Variants in AP2B1 observed in about 807,000 individuals in gnomAD.
The protein encoded by AP2B1 is AP-2 complex subunit beta.
A neutral mutation model predicts 102.0 loss-of-function variants in AP2B1; 23 were observed. The observed-to-expected ratio is 0.23, with a 90% confidence interval of 0.16 to 0.32. The LOEUF is 0.32. AP2B1 is among the 10% of genes least tolerant of loss of function. AP2B1 has a pLI of 1.00. For missense variants in AP2B1, 541 were observed against 1,157.4 expected (o/e 0.47, Z 7.73); for synonymous variants, 381 against 421.2 (o/e 0.90, Z 1.17).
At chr17:35,636,837 G>C (rs2074620423) in intron 10 of AP2B1, among the ~76,000 whole-genome samples, 1 of 152,156 alleles carries the variant, frequency 6.6e-6, no homozygotes, top group Non-Finnish European at 1.5e-5. Context: ...TCTCAGAAAT[G>C]TATAAGTTTG....
intron 5 of AP2B1, among the ~76,000 whole-genome samples, chr17:35,614,591 C>T (rs1027622266): frequency 2.8e-5 from 4 of 145,184 alleles, no homozygotes; most frequent in Admixed American, 7.2e-5. Context: ...CTCACAGCTG[C>T]CCATGAGAAT....
At chr17:35,690,376 G>A (rs1038004608) in intron 18 of AP2B1, among the ~76,000 whole-genome samples, 5 of 152,196 alleles carry the variant, frequency 3.3e-5, no homozygotes, top group African/African-American at 1.2e-4. Flanking sequence ...AAGGCTTTCT[G>A]CAAGCCTTGT....
intron 18 of AP2B1, among the ~76,000 whole-genome samples, chr17:35,683,796 A>G (rs2075874502): frequency 1.3e-5 from 2 of 152,208 alleles, no homozygotes; most frequent in Admixed American, 1.3e-4. Flanking sequence ...TGGGCCACCC[A>G]GAAATGGGGA....
chr17:35,614,655 T>TAAAAAAAA (rs3031833), intron 5 of AP2B1, among the ~76,000 whole-genome samples: 6 of 93,164 alleles, frequency 6.4e-5, no homozygotes, highest in Non-Finnish European at 8.0e-5. Flanking sequence ...GTTGAATTAG[T>TAAAAAAAA]AAAAAAAAAA....
chr17:35,592,184 A>G (rs1426873170), intron 1 of AP2B1, among the ~76,000 whole-genome samples: 2 of 151,980 alleles, frequency 1.3e-5, no homozygotes, highest in East Asian at 1.9e-4. Flanking sequence ...TCCTAGATCC[A>G]TATTTACTAT....
intron 18 of AP2B1, among the ~76,000 whole-genome samples, chr17:35,686,292 C>G (rs1217334607): frequency 6.6e-6 from 1 of 152,182 alleles, no homozygotes; most frequent in Non-Finnish European, 1.5e-5. Context: ...AGAATTGATT[C>G]TCTCTGTTTA....
chr17:35,714,435 T>C (rs978874934), intron 20 of AP2B1, among the ~76,000 whole-genome samples: 8 of 152,102 alleles, frequency 5.3e-5, no homozygotes, highest in Non-Finnish European at 7.3e-5. Flanking sequence ...TCAGAGGATG[T>C]GTGACCTTAG....
At chr17:35,599,799 A>C (rs1046945024) in intron 3 of AP2B1, among the ~76,000 whole-genome samples, 1 of 151,976 alleles carries the variant, frequency 6.6e-6, no homozygotes, top group Admixed American at 6.6e-5. Flanking sequence ...AATCCCAGCT[A>C]CTCTAGAGGC....
chr17:35,673,389 A>C (rs1039502595), intron 16 of AP2B1, among the ~76,000 whole-genome samples: 3 of 151,696 alleles, frequency 2.0e-5, no homozygotes. Flanking sequence ...GGGTTTCACT[A>C]TGTTAGCCAG....
At chr17:35,680,696 TTTTG>T (rs1297993727) in intron 17 of AP2B1, among the ~76,000 whole-genome samples, 96 of 116,920 alleles carry the variant, frequency 8.2e-4, no homozygotes, top group African/African-American at 2.6e-3. Flanking sequence ...GTTTTTTTTT[TTTTG>T]TTTTTTTTTT....
At chr17:35,639,363 T>C (rs1329188607) in intron 10 of AP2B1, among the ~76,000 whole-genome samples, 1 of 151,972 alleles carries the variant, frequency 6.6e-6, no homozygotes, top group Non-Finnish European at 1.5e-5. Flanking sequence ...CAAAAGAACA[T>C]CTGATGAATT....
At chr17:35,721,182 C>G (rs1385194784) in intron 21 of AP2B1, among the ~76,000 whole-genome samples, 1 of 152,146 alleles carries the variant, frequency 6.6e-6, no homozygotes. Flanking sequence ...ATAGGTTTAT[C>G]CTATAAGGGT....
intron 12 of AP2B1, among the ~76,000 whole-genome samples, chr17:35,648,861 G>A (rs962788363): frequency 2.0e-5 from 3 of 151,814 alleles, no homozygotes; most frequent in South Asian, 2.1e-4. Context: ...GGATAATTGG[G>A]GGAGATTTTT....
At chr17:35,691,223 C>T (rs754080285) in intron 18 of AP2B1, among the ~76,000 whole-genome samples, 3 of 152,098 alleles carry the variant, frequency 2.0e-5, no homozygotes, top group Non-Finnish European at 4.4e-5. Flanking sequence ...TTATTCATGT[C>T]TTAAGATCAT....
chr17:35,645,330 C>A (rs2142771305), intron 12 of AP2B1, among the ~76,000 whole-genome samples: 1 of 152,282 alleles, frequency 6.6e-6, no homozygotes, highest in Non-Finnish European at 1.5e-5. Context: ...TTTCTTCTGT[C>A]TCTATAGTAG....
At chr17:35,689,747 C>G (rs753200235) in intron 18 of AP2B1, among the ~76,000 whole-genome samples, 76 of 152,292 alleles carry the variant, frequency 5.0e-4, no homozygotes, top group Non-Finnish European at 1.0e-3. Context: ...TCAGTTTCAT[C>G]ATTGCATCAG....
rs1199686722 is a variant in AP2B1 at position 35,724,083 on chromosome 17, A to G, written c.*384A>G. On this transcript the variant is annotated 3_prime_UTR_variant, in exon 22 of 22. Coordinates refer to ENST00000610402, the MANE Select transcript of AP2B1 (RefSeq NM_001030006.2). The stretch of plus-strand genomic sequence containing the variant: ...AAATATTAAAGCAAGGAAAAGTGTA[A>G]CTGAAACACTGCACTTTACTGTTTT... 5 of 188,990 alleles carry G rather than the reference A, an allele frequency of 2.6e-5. No homozygotes were observed. Among genetic ancestry groups the G allele is most frequent in the Non-Finnish European group, 5.6e-5 (5 of 89,246 alleles). The allele number at this position is 188,990 out of a possible 1,614,324, so 11.7% of individuals were successfully genotyped here.
At chr17:35,676,481 T>C (rs866131135) in intron 17 of AP2B1, among the ~76,000 whole-genome samples, 1 of 152,352 alleles carries the variant, frequency 6.6e-6, no homozygotes, top group South Asian at 2.1e-4. Flanking sequence ...TAATACTCCA[T>C]TGATGAATAT....
In AP2B1 at chr17:35,674,455, G is replaced by A; in HGVS notation, c.2324+134G>A. On this transcript the variant is annotated intron_variant, in intron 17 of 21. Transcript: ENST00000610402. Reference sequence around the variant, plus strand: ...ACAGTGGCTCATGCCTATAATCCCAGCATTTGGGAGGCCGAGACGGGCTGA... The same window carrying A: ...ACAGTGGCTCATGCCTATAATCCCAACATTTGGGAGGCCGAGACGGGCTGA... 4 of 1,102,098 alleles carry A rather than the reference G, an allele frequency of 3.6e-6. No individual in the cohort carries two copies. In the South Asian group the frequency reaches 5.0e-5, roughly 14 times the overall value. The allele number at this position is 1,102,098 out of a possible 1,614,324, so 68.3% of individuals were successfully genotyped here. A position where few individuals can be genotyped will look rare whatever the true frequency, so the allele number is the denominator to read the frequency against.
Sources: gnomAD v4.1 joint callset for allele counts (sites outside exome capture counted in the v4.1 genomes callset) on GRCh38, gnomAD v4.1.1 for gene constraint, MANE v1.5 for transcripts, NCBI Gene and HGNC (gene_info 2026-07-23, HGNC 2026-07-21) for gene names.